ROR2: variants seen among roughly 807,000 people sequenced by gnomAD.
The protein encoded by ROR2 is tyrosine-protein kinase transmembrane receptor ROR2.
A neutral mutation model predicts 74.9 loss-of-function variants in ROR2; 33 were observed. The ratio of observed to expected loss-of-function variants is 0.44; its 90% CI spans 0.33 to 0.59. The LOEUF (loss-of-function observed/expected upper bound fraction) is 0.59, where lower values mean the gene tolerates loss of function less well. Ranked by LOEUF, ROR2 falls within the 20% of genes least tolerant of loss-of-function variation. ROR2 has a pLI of 0.02. For synonymous variants in ROR2, 586 were observed against 558.7 expected, an observed-to-expected ratio of 1.05 and a Z score of -0.69; for missense variants, 1,216 against 1,313.8, an observed-to-expected ratio of 0.93 and a Z score of 1.15.
intron 1 of ROR2, among the ~76,000 whole-genome samples, chr9:91,804,418 C>T (rs555395964): frequency 1.3e-5 from 2 of 152,310 alleles, no homozygotes; most frequent in South Asian, 2.1e-4. Context: ...GACCTTTGCT[C>T]GACAGCCTCT....
intron 1 of ROR2, among the ~76,000 whole-genome samples, chr9:91,897,626 A>T (rs572962210): frequency 6.6e-6 from 1 of 152,184 alleles, no homozygotes; most frequent in South Asian, 2.1e-4. Context: ...CGAGCCTAAG[A>T]TGTGGGGTGA....
chr9:91,848,565 A>G (rs1828995286), intron 1 of ROR2, among the ~76,000 whole-genome samples: 1 of 152,168 alleles, frequency 6.6e-6, no homozygotes, highest in African/African-American at 2.4e-5. Flanking sequence ...GTTCAAGACC[A>G]GCCTGGCCAA....
intron 1 of ROR2, among the ~76,000 whole-genome samples, chr9:91,866,418 T>C (rs1359034935): frequency 2.4e-5 from 1 of 41,112 alleles, no homozygotes; most frequent in African/African-American, 4.5e-4. Context: ...ACGCCCAGTC[T>C]TTTTTTTTTT....
At chr9:91,757,077 C>A (rs1026387477) in intron 3 of ROR2, among the ~76,000 whole-genome samples, 195 bp downstream of exon 3, 5 of 152,022 alleles carry the variant, frequency 3.3e-5, no homozygotes, top group South Asian at 2.1e-4. Flanking sequence ...GCCCTATTTT[C>A]TCTTATTACT....
intron 4 of ROR2, 139 bp downstream of exon 4, chr9:91,755,932 T>G: frequency 1.2e-6 from 1 of 831,976 alleles, no homozygotes; most frequent in Non-Finnish European, 2.1e-6. Flanking sequence ...AGCAAGCACG[T>G]GGCCACCCCT....
At chr9:91,737,576 G>T in intron 4 of ROR2, 58 bp from the exon 5 acceptor site, 1 of 1,612,842 alleles carries the variant, frequency 6.2e-7, no homozygotes, top group South Asian at 1.1e-5. Context: ...TCCCGCCAAT[G>T]ACTTCTTTTA....
In ROR2 at chr9:91,767,847, G is replaced by A. The variant is rs1220151382; in HGVS notation, c.175+7894C>T. Among the ~76,000 whole-genome samples the A allele has an allele frequency of 2.0e-5, 3 of 152,228 alleles. No homozygotes were observed. The East Asian group carries it at 5.8e-4, about 29-fold the overall frequency. Reference sequence around the variant, plus strand: ...GTTTGTACCTTTGAAGAAACTGAGAGTATGGTGGGGTGACCCGTGTCCCCC... The same window carrying A: ...GTTTGTACCTTTGAAGAAACTGAGAATATGGTGGGGTGACCCGTGTCCCCC... On this transcript the variant is annotated intron_variant, in intron 2 of 8. Transcript: ENST00000375708.
At chr9:91,897,811 G>T (rs1419551891) in intron 1 of ROR2, among the ~76,000 whole-genome samples, 1 of 152,186 alleles carries the variant, frequency 6.6e-6, no homozygotes, top group Non-Finnish European at 1.5e-5. Context: ...GCCCAGGCCC[G>T]GTCACCAAGA....
chr9:91,724,794 A>G lies in ROR2; in HGVS notation c.1700T>C (p.Met567Thr), dbSNP rs756271109. 7 of 1,610,080 alleles carry G rather than the reference A, an allele frequency of 4.3e-6. No homozygotes were observed. The highest frequency in any genetic ancestry group is 3.3e-5 in the Admixed American group (2 of 59,958). Residue 567 changes from methionine (M) to threonine (T), a missense_variant, in exon 9 of 9, where the codon ATG becomes ACG. By Grantham distance (81) the Met-to-Thr change is moderately conservative. Transcript: ENST00000375708. ...GCCCACGTCCGAGTGCGGCGAGCGCATGACCAGGAATTCGTGGAGGTCGCC... is the reference window on the plus strand; with the variant it reads ...GCCCACGTCCGAGTGCGGCGAGCGCGTGACCAGGAATTCGTGGAGGTCGCC... ...SHGDLHEFLVMRSPHSDVGST... is the reference protein window; with the variant it reads ...SHGDLHEFLVTRSPHSDVGST...
chr9:91,757,261 GT>G lies in ROR2; in HGVS notation c.463+10del. 1 of 1,613,784 alleles carries G rather than the reference GT, an allele frequency of 6.2e-7. No individual in the cohort carries two copies. The highest frequency in any genetic ancestry group is 1.7e-5 in the Admixed American group (1 of 59,994). Reference sequence around the variant, plus strand: ...ATCTGCTAACCCACACAATTTCACTGTCCAACTCACCCAGCCGCACAAACAG... The same window carrying G: ...ATCTGCTAACCCACACAATTTCACTGCCAACTCACCCAGCCGCACAAACAG... On this transcript the variant is annotated intron_variant, in intron 3 of 8. Coordinates refer to ENST00000375708, the MANE Select transcript of ROR2 (RefSeq NM_004560.4).
chr9:91,779,661 G>C (rs543059196), intron 1 of ROR2, among the ~76,000 whole-genome samples: 1 of 151,852 alleles, frequency 6.6e-6, no homozygotes, highest in South Asian at 2.1e-4. Flanking sequence ...ATGAGCCACC[G>C]TGCCACCGTG....
Position 91,735,570 on chromosome 9 carries a change from G to T in ROR2, c.622+1821C>A, listed in dbSNP as rs114351545. Among the ~76,000 whole-genome samples, 1,187 of 147,216 alleles carry T rather than the reference G, an allele frequency of 8.1e-3. 19 individuals carry two copies. The highest frequency in any genetic ancestry group is 0.028 in the African/African-American group (1,126 of 40,198). ...AAAAGATGGTAAGAACAGACTAGAG[G>T]ATGTCAGAATGCACGGTTCCTACTA... is the stretch of plus-strand genomic sequence containing the variant. On this transcript the variant is annotated intron_variant, in intron 5 of 8. Transcript: ENST00000375708.
intron 1 of ROR2, among the ~76,000 whole-genome samples, chr9:91,858,012 G>A (rs1829350938): frequency 6.6e-6 from 1 of 152,186 alleles, no homozygotes; most frequent in African/African-American, 2.4e-5. Context: ...GCCAAGCCCA[G>A]CAAATAAAAA....
At chr9:91,899,917 C>G (rs143206253) in intron 1 of ROR2, among the ~76,000 whole-genome samples, 2 of 152,148 alleles carry the variant, frequency 1.3e-5, no homozygotes, top group Non-Finnish European at 2.9e-5. Context: ...TCTGCACACT[C>G]GAACACATAC....
chr9:91,829,779 T>C (rs1438215424), intron 1 of ROR2, among the ~76,000 whole-genome samples: 1 of 152,204 alleles, frequency 6.6e-6, no homozygotes, highest in Admixed American at 6.5e-5. Flanking sequence ...TGAATGTTCA[T>C]TAATGGAAAC....
At chr9:91,741,039 C>A (rs904642984) in intron 4 of ROR2, among the ~76,000 whole-genome samples, 1 of 152,010 alleles carries the variant, frequency 6.6e-6, no homozygotes, top group Admixed American at 6.6e-5. Context: ...CGGTGGCTCA[C>A]GCCTGTAATC....
chr9:91,779,240 T>C (rs1368710270), intron 1 of ROR2, among the ~76,000 whole-genome samples: 3 of 152,056 alleles, frequency 2.0e-5, no homozygotes, highest in Admixed American at 1.3e-4. Flanking sequence ...TTTCTATAAA[T>C]CTAAAACTAA....
intron 7 of ROR2, 93 bp from the exon 8 acceptor site, chr9:91,726,836 C>A: frequency 8.3e-7 from 1 of 1,210,168 alleles, no homozygotes; most frequent in Non-Finnish European, 1.2e-6. Flanking sequence ...CAGCCAAAAT[C>A]TTCACGTGCA....
chr9:91,933,249 G>A (rs192242070), intron 1 of ROR2, among the ~76,000 whole-genome samples: 1 of 152,184 alleles, frequency 6.6e-6, no homozygotes, highest in African/African-American at 2.4e-5. Flanking sequence ...CCAGGAGGTG[G>A]AGGTTGCAGT....
Sources: allele counts gnomAD v4.1 joint callset (sites outside exome capture counted in the v4.1 genomes callset), GRCh38; gene constraint gnomAD v4.1.1; transcripts MANE v1.5; gene names NCBI Gene and HGNC (gene_info 2026-07-23, HGNC 2026-07-21).